Variants in CASD1 observed in about 807,000 individuals in gnomAD.
The protein encoded by CASD1 is CAS1 domain sialic acid O acetyltransferase 1.
CASD1 carries 41 observed loss-of-function variants against 100.0 expected under a neutral mutation model. The ratio of observed to expected loss-of-function variants is 0.41; its 90% CI spans 0.32 to 0.53. The LOEUF is 0.53. Ranked by LOEUF, CASD1 falls within the 20% of genes least tolerant of loss-of-function variation. CASD1 has a pLI of 0.25. For synonymous variants in CASD1, 321 were observed against 315.6 expected, an observed-to-expected ratio of 1.02 and a Z score of -0.18; for missense variants, 774 against 948.7, an observed-to-expected ratio of 0.82 and a Z score of 2.42.
At chr7:94,599,145 A>C in the CASD1 span, 2 of 556,866 alleles carry the variant, frequency 3.6e-6, no homozygotes, top group Non-Finnish European at 6.3e-6. Context: ...ATATAACAAA[A>C]CTGAAAATTA....
chr7:94,514,125 C>CT (rs572829395), intron 1 of CASD1, among the ~76,000 whole-genome samples: 38 of 148,284 alleles, frequency 2.6e-4, no homozygotes, highest in East Asian at 2.4e-3. Context: ...AAATCAAATT[C>CT]TTTTTTTTTT....
At chr7:94,544,289 T>G (rs1459892005) in intron 10 of CASD1, 122 bp from the exon 11 acceptor site, 7 of 1,201,056 alleles carry the variant, frequency 5.8e-6, no homozygotes, top group Admixed American at 2.3e-5. Flanking sequence ...GAATCAACTT[T>G]GTGATTGAGC....
chr7:94,539,932 T>G (rs1282161897), intron 10 of CASD1, among the ~76,000 whole-genome samples: 1 of 152,174 alleles, frequency 6.6e-6, no homozygotes, highest in Non-Finnish European at 1.5e-5. Flanking sequence ...ACTTCCTAAG[T>G]GCTAAGTAGT....
At chr7:94,588,213 A>C in the CASD1 span, 4 of 1,063,092 alleles carry the variant, frequency 3.8e-6, no homozygotes, top group Non-Finnish European at 4.5e-6. Context: ...GTCATTGGTC[A>C]TGTTATAACA....
chr7:94,527,445 A>G (rs1425915885), intron 4 of CASD1, among the ~76,000 whole-genome samples: 1 of 152,208 alleles, frequency 6.6e-6, no homozygotes, highest in African/African-American at 2.4e-5. Context: ...ATAAAAGAAT[A>G]TATGTGAATT....
chr7:94,528,394 G>A, intron 5 of CASD1, 144 bp downstream of exon 5: 1 of 540,790 alleles, frequency 1.8e-6, no homozygotes, highest in Non-Finnish European at 3.2e-6. Context: ...GTGCTGGACT[G>A]ATTCTAGCAC....
At chr7:94,514,503 A>C (rs544360378) in intron 1 of CASD1, among the ~76,000 whole-genome samples, 1 of 152,296 alleles carries the variant, frequency 6.6e-6, no homozygotes, top group South Asian at 2.1e-4. Context: ...TGCCAGAGAT[A>C]TTCTCTTCAA....
At chr7:94,513,270 G>A (rs971897415) in intron 1 of CASD1, among the ~76,000 whole-genome samples, 1 of 138,564 alleles carries the variant, frequency 7.2e-6, no homozygotes. Flanking sequence ...AGGTTGCAGT[G>A]AGCCAAGATC....
At chr7:94,537,417 A>T in intron 8 of CASD1, 55 bp from the exon 9 acceptor site, 1 of 1,481,258 alleles carries the variant, frequency 6.8e-7, no homozygotes, top group Non-Finnish European at 9.1e-7. Context: ...GAGAAAATTT[A>T]ATGTGAAATA....
intron 4 of CASD1, among the ~76,000 whole-genome samples, chr7:94,527,730 A>G (rs1185156599): frequency 1.3e-5 from 2 of 152,188 alleles, no homozygotes; most frequent in East Asian, 3.8e-4. Context: ...GACAGAAGGA[A>G]TAGTATGTGC....
intron 1 of CASD1, among the ~76,000 whole-genome samples, chr7:94,512,412 G>C (rs1315227112): frequency 6.6e-6 from 1 of 152,214 alleles, no homozygotes; most frequent in East Asian, 1.9e-4. Flanking sequence ...AGGAGATTAG[G>C]CTGTGTATTT....
the CASD1 span, among the ~76,000 whole-genome samples, chr7:94,569,410 T>C: frequency 6.6e-6 from 1 of 152,070 alleles, no homozygotes; most frequent in South Asian, 2.1e-4. Flanking sequence ...TAGGGAAAAA[T>C]CCCAAGGAAT....
chr7:94,599,179 G>A, the CASD1 span: 2 of 500,990 alleles, frequency 4.0e-6, no homozygotes, highest in African/African-American at 3.8e-5. Flanking sequence ...AAATACATAG[G>A]TGTTTTATTA....
At position 94,555,494 on chromosome 7, in the gene CASD1, A is replaced by G. The variant is rs760780824; in HGVS notation, c.2130A>G (p.Leu710=). Residue 710 remains leucine, a splice_region_variant and synonymous_variant, in exon 18 of 18, where the codon CTA becomes CTG. Coordinates refer to ENST00000297273, the MANE Select transcript of CASD1 (RefSeq NM_022900.5). ...FAWFGKISLE[L]FICQYHIWLA... is the part of the protein sequence containing the mutation. ...GACTTAAATATTTTTTCTCCTAGCTATTTATTTGCCAGTATCACATATGGC... is the reference window on the plus strand; with the variant it reads ...GACTTAAATATTTTTTCTCCTAGCTGTTTATTTGCCAGTATCACATATGGC... 21 of 1,610,534 alleles carry G rather than the reference A, an allele frequency of 1.3e-5. No individual in the cohort carries two copies. Among genetic ancestry groups the G allele is most frequent in the South Asian group, 5.5e-5 (5 of 90,696 alleles).
downstream of CASD1, among the ~76,000 whole-genome samples, chr7:94,557,275 T>C (rs1250939748): frequency 6.6e-6 from 1 of 152,076 alleles, no homozygotes; most frequent in African/African-American, 2.4e-5. Context: ...GCTACTGATA[T>C]ACCTCCATTA....
the CASD1 span, among the ~76,000 whole-genome samples, chr7:94,596,845 A>G: frequency 1.8e-4 from 27 of 152,026 alleles, no homozygotes; most frequent in Admixed American, 1.6e-3. Context: ...TTTTTGAAGG[A>G]TATCTGTCAA....
At chr7:94,600,332 G>A in the CASD1 span, 1 of 317,738 alleles carries the variant, frequency 3.1e-6, no homozygotes, top group East Asian at 7.9e-5. Context: ...AGATTCTGCA[G>A]TCTCTGCTCA....
At chr7:94,568,690 A>G in the CASD1 span, among the ~76,000 whole-genome samples, 2 of 152,166 alleles carry the variant, frequency 1.3e-5, no homozygotes, top group Non-Finnish European at 2.9e-5. Context: ...CTAATCACCA[A>G]TGTGATGGTA....
At position 94,555,851 on chromosome 7, in the gene CASD1, G is replaced by A. The variant is rs1796180272; in HGVS notation, c.*93G>A. 7.7e-7 allele frequency: 1 copy of A among 1,299,340 alleles called. No homozygotes were observed. The highest frequency in any genetic ancestry group is 1.1e-6 in the Non-Finnish European group (1 of 949,190). The allele number at this position is 1,299,340 out of a possible 1,614,324, so 80.5% of individuals were successfully genotyped here. On this transcript the variant is annotated 3_prime_UTR_variant, in exon 18 of 18. Coordinates refer to ENST00000297273, the MANE Select transcript of CASD1 (RefSeq NM_022900.5). ...TCTATCTGGAGATATAAATGTGTAT[G>A]TAAATATAAACGTTTGTGGCAAGAG... is the stretch of plus-strand genomic sequence containing the variant.
Sources: allele counts gnomAD v4.1 joint callset (sites outside exome capture counted in the v4.1 genomes callset), GRCh38; gene constraint gnomAD v4.1.1; transcripts MANE v1.5; gene names NCBI Gene and HGNC (gene_info 2026-07-23, HGNC 2026-07-21).